Variants in PAAF1 observed in about 807,000 individuals in gnomAD.
PAAF1 encodes proteasomal ATPase associated factor 1.
Under a neutral mutation model 52.8 loss-of-function variants are expected in PAAF1, and 46 were observed. That is an observed-to-expected ratio of 0.87 (90% CI 0.69 to 1.11). The LOEUF (loss-of-function observed/expected upper bound fraction) is 1.11. PAAF1 is among the 50% of genes most tolerant of loss of function. The pLI, the probability that PAAF1 is intolerant of heterozygous loss-of-function variation, is 0.00. For missense variants in PAAF1, 424 were observed against 477.4 expected, an observed-to-expected ratio of 0.89 and a Z score of 1.04; for synonymous variants, 178 against 172.8, an observed-to-expected ratio of 1.03 and a Z score of -0.24.
Position 73,891,100 on chromosome 11 carries a change from C to T in PAAF1, c.193-12C>T, listed in dbSNP as rs768578603. On this transcript the variant is annotated splice_polypyrimidine_tract_variant and intron_variant, in intron 3 of 11. Coordinates refer to ENST00000310571, the MANE Select transcript of PAAF1 (RefSeq NM_025155.3). ...TTTTACTGATGAATCTCATCTTTTC[C>T]TCTTTGTTTAGAAAAGCATTCATAT... 5.2e-6 allele frequency: 8 copies of T among 1,526,798 alleles called. No homozygotes were observed. Among genetic ancestry groups the T allele is most frequent in the Non-Finnish European group, 7.2e-6 (8 of 1,106,294 alleles). The allele number at this position is 1,526,798 out of a possible 1,614,324, so 94.6% of individuals were successfully genotyped here.
chr11:73,908,361 G>GTA (rs528147180), intron 6 of PAAF1, among the ~76,000 whole-genome samples: 6,086 of 136,778 alleles, frequency 0.044, 180 homozygotes, highest in South Asian at 0.15. Flanking sequence ...ATATATGTGT[G>GTA]TATATATATA....
intron 6 of PAAF1, 68 bp from the exon 7 acceptor site, chr11:73,909,331 C>T (rs6592541): frequency 0.056 from 80,020 of 1,431,992 alleles, 2,440 homozygotes; most frequent in Middle Eastern, 0.08. Context: ...TTATGCAGCT[C>T]CATCTTCTCT....
At chr11:73,877,300 A>G in intron 1 of PAAF1, 2 of 373,492 alleles carry the variant, frequency 5.4e-6, no homozygotes. Flanking sequence ...CGTCAGAACT[A>G]GTATCAGTGA....
chr11:73,887,518 T>G lies in PAAF1; in HGVS notation c.192+61T>G, dbSNP rs1238144199. On this transcript the variant is annotated intron_variant, in intron 3 of 11. Coordinates refer to ENST00000310571, the MANE Select transcript of PAAF1 (RefSeq NM_025155.3). Reference sequence around the variant, plus strand: ...AAAACTATGGTAGTACCCAAACATCTACCTTAGATATTTATACTATTATCT... The same window carrying G: ...AAAACTATGGTAGTACCCAAACATCGACCTTAGATATTTATACTATTATCT... 2.8e-6 allele frequency: 3 copies of G among 1,055,152 alleles called. No homozygotes were observed. In the Admixed American group the frequency reaches 7.4e-5, roughly 26 times the overall value. 65.4% of individuals were successfully genotyped at this position (1,055,152 alleles called of 1,614,324 possible).
chr11:73,889,292 G>A, intron 3 of PAAF1: 1 of 1,150,348 alleles, frequency 8.7e-7, no homozygotes, highest in Non-Finnish European at 1.1e-6. Flanking sequence ...ACTGCCATGA[G>A]TCACTTTGCT....
intron 6 of PAAF1, among the ~76,000 whole-genome samples, chr11:73,901,631 C>A (rs1029733801): frequency 1.3e-5 from 2 of 150,458 alleles, no homozygotes; most frequent in African/African-American, 4.9e-5. Context: ...AAGATGGAGT[C>A]TCACTCTGTC....
intron 6 of PAAF1, 34 bp downstream of exon 6, chr11:73,900,454 AATG>A: frequency 1.1e-5 from 16 of 1,513,966 alleles, no homozygotes; most frequent in Non-Finnish European, 1.4e-5. Context: ...AGGCTTCTCT[AATG>A]ATCCCCAGAA....
chr11:73,913,583 A>G (rs1322938034), intron 7 of PAAF1, among the ~76,000 whole-genome samples: 1 of 151,720 alleles, frequency 6.6e-6, no homozygotes, highest in Admixed American at 6.6e-5. Flanking sequence ...CTACTTGTTT[A>G]TTTACCTATT....
chr11:73,899,372 C>T, intron 5 of PAAF1, 128 bp downstream of exon 5: 10 of 466,648 alleles, frequency 2.1e-5, no homozygotes, highest in South Asian at 5.9e-5. Context: ...CAGTTGATCT[C>T]TTTTCTCCCA....
chr11:73,907,167 A>G (rs1219459164), intron 6 of PAAF1, among the ~76,000 whole-genome samples: 1 of 152,086 alleles, frequency 6.6e-6, no homozygotes, highest in Non-Finnish European at 1.5e-5. Context: ...GGACCATAGC[A>G]AATATTCAGA....
chr11:73,900,913 C>T (rs1591081922), intron 6 of PAAF1, among the ~76,000 whole-genome samples: 2 of 128,892 alleles, frequency 1.6e-5, no homozygotes, highest in Admixed American at 1.9e-4. Flanking sequence ...ACCCGGGAGG[C>T]GGAGCTTGCA....
chr11:73,898,134 T>C (rs1258880320), intron 4 of PAAF1, among the ~76,000 whole-genome samples: 1 of 146,952 alleles, frequency 6.8e-6, no homozygotes, highest in Non-Finnish European at 1.5e-5. Flanking sequence ...ATGGCAGCAG[T>C]ACCGTCCAGC....
chr11:73,883,903 A>G (rs903140220), intron 2 of PAAF1, among the ~76,000 whole-genome samples: 1 of 152,154 alleles, frequency 6.6e-6, no homozygotes, highest in African/African-American at 2.4e-5. Context: ...TTGTTTATCC[A>G]TTCATCAATT....
intron 8 of PAAF1, 52 bp downstream of exon 8, chr11:73,914,556 G>C: frequency 6.7e-7 from 1 of 1,498,564 alleles, no homozygotes; most frequent in Non-Finnish European, 9.3e-7. Context: ...GGGTCACTCT[G>C]TGTCTTAGAA....
intron 10 of PAAF1, among the ~76,000 whole-genome samples, chr11:73,922,347 C>T (rs1950243687): frequency 6.6e-6 from 1 of 151,888 alleles, no homozygotes; most frequent in Admixed American, 6.6e-5. Flanking sequence ...AAACTAAGAC[C>T]AATAAGAGAA....
At chr11:73,912,650 A>G (rs1257394156) in intron 7 of PAAF1, among the ~76,000 whole-genome samples, 1 of 152,216 alleles carries the variant, frequency 6.6e-6, no homozygotes, top group African/African-American at 2.4e-5. Flanking sequence ...TAAGAAAATC[A>G]TAAGTCATGT....
In PAAF1 at chr11:73,897,282, G is replaced by A. The variant is rs577439638; in HGVS notation, c.283-1864G>A. On this transcript the variant is annotated intron_variant, in intron 4 of 11. Transcript: ENST00000310571. ...GACGGGGCGGCTGGCCGTGTGGGGG[G>A]CTGACCCCCCCACTTCCCTCCCGGA... Among the ~76,000 whole-genome samples, 1,415 of 151,118 alleles carry A rather than the reference G, an allele frequency of 9.4e-3. 26 individuals carry two copies. Among genetic ancestry groups the A allele is most frequent in the Middle Eastern group, 0.031 (9 of 288 alleles).
Position 73,928,006 on chromosome 11 carries a change from A to G in PAAF1, c.*644A>G, listed in dbSNP as rs1323687617. 2.0e-5 allele frequency: 3 copies of G among 152,676 alleles called. No individual in the cohort carries two copies. Among genetic ancestry groups the G allele is most frequent in the African/African-American group, 7.2e-5 (3 of 41,460 alleles). The allele number at this position is 152,676 out of a possible 1,614,324, so 9.5% of individuals were successfully genotyped here. ...AAACCAACATGATTGGTCAGCCTAT[A>G]TGTAGGTGAGGAAACTGAATCATAA... On this transcript the variant is annotated 3_prime_UTR_variant, in exon 12 of 12. Coordinates refer to ENST00000310571, the MANE Select transcript of PAAF1 (RefSeq NM_025155.3).
At chr11:73,917,826 G>A (rs1461719817) in intron 9 of PAAF1, among the ~76,000 whole-genome samples, 2 of 151,442 alleles carry the variant, frequency 1.3e-5, no homozygotes, top group African/African-American at 2.4e-5. Context: ...AGCTGAGATC[G>A]TGCCACTGGA....
Sources: gnomAD v4.1 joint callset for allele counts (sites outside exome capture counted in the v4.1 genomes callset) on GRCh38, gnomAD v4.1.1 for gene constraint, MANE v1.5 for transcripts, NCBI Gene and HGNC (gene_info 2026-07-23, HGNC 2026-07-21) for gene names.